Variants in ZNF385B observed in about 807,000 individuals in gnomAD.
The protein encoded by ZNF385B is zinc finger protein 385B, also known as zinc finger protein 533.
ZNF385B carries 23 observed loss-of-function variants against 39.2 expected under a neutral mutation model. The ratio of observed to expected loss-of-function variants is 0.59; its 90% CI spans 0.42 to 0.83. ZNF385B has a LOEUF of 0.83. ZNF385B is among the 40% of genes least tolerant of loss of function. The pLI is 0.00. For synonymous variants in ZNF385B, 205 were observed against 222.6 expected, an observed-to-expected ratio of 0.92 and a Z score of 0.70; for missense variants, 552 against 598.9, an observed-to-expected ratio of 0.92 and a Z score of 0.82.
In ZNF385B at chr2:179,745,793, C is replaced by T; in HGVS notation, c.298+23710G>A. The stretch of plus-strand genomic sequence containing the variant: ...AACCAAGTTGGATAAACAAAACTTC[C>T]AGTATGTGACCAGGATAATGCACAG... On this transcript the variant is annotated intron_variant, in intron 3 of 9. Transcript: ENST00000410066. 2.0e-6 allele frequency: 3 copies of T among 1,516,908 alleles called. 1 individual carries two copies. The South Asian group carries it at 3.9e-5, about 20-fold the overall frequency. The allele number at this position is 1,516,908 out of a possible 1,614,324, so 94.0% of individuals were successfully genotyped here. A position where few individuals can be genotyped will look rare whatever the true frequency, so the allele number is the denominator to read the frequency against.
intron 1 of ZNF385B, among the ~76,000 whole-genome samples, chr2:179,799,490 A>G (rs1256746373): frequency 2.0e-5 from 3 of 152,076 alleles, no homozygotes; most frequent in Non-Finnish European, 4.4e-5. Context: ...GTATGTAAAA[A>G]GCATGTAAGT....
At chr2:179,688,393 G>C (rs1424557420) in intron 3 of ZNF385B, among the ~76,000 whole-genome samples, 1 of 152,034 alleles carries the variant, frequency 6.6e-6, no homozygotes, top group Non-Finnish European at 1.5e-5. Context: ...CAGCTACTTG[G>C]GAGGCTGAGG....
chr2:179,610,749 T>C lies in ZNF385B; in HGVS notation c.299-65780A>G, dbSNP rs374567949. ...ACTCTTCAATGTTGTATAGTTTTCA[T>C]TGTAGAGATCTTTCACTTCCTTGGT... On this transcript the variant is annotated intron_variant, in intron 3 of 9. Coordinates refer to ENST00000410066, the MANE Select transcript of ZNF385B (RefSeq NM_152520.6). Among the ~76,000 whole-genome samples the C allele has an allele frequency of 1.6e-4, 25 of 152,262 alleles. No individual in the cohort carries two copies. In the South Asian group the frequency reaches 5.2e-3, roughly 32 times the overall value.
At chr2:179,638,767 G>A (rs1691991696) in intron 3 of ZNF385B, among the ~76,000 whole-genome samples, 1 of 152,148 alleles carries the variant, frequency 6.6e-6, no homozygotes, top group African/African-American at 2.4e-5. Flanking sequence ...ACCAAGTTAG[G>A]GCTGAAGTAT....
At chr2:179,460,260 A>C (rs756397087) in intron 6 of ZNF385B, among the ~76,000 whole-genome samples, 2 of 152,220 alleles carry the variant, frequency 1.3e-5, no homozygotes, top group Admixed American at 6.5e-5. Flanking sequence ...AGACAGAGAT[A>C]TCTAACATGG....
intron 3 of ZNF385B, among the ~76,000 whole-genome samples, chr2:179,731,125 T>C (rs1701361363): frequency 6.6e-6 from 1 of 152,252 alleles, no homozygotes; most frequent in Admixed American, 6.5e-5. Flanking sequence ...ATTTGGCTAG[T>C]ACTGTTCCCA....
chr2:179,699,636 C>A (rs1338941835), intron 3 of ZNF385B, among the ~76,000 whole-genome samples: 4 of 152,200 alleles, frequency 2.6e-5, no homozygotes, highest in African/African-American at 7.2e-5. Context: ...GTACATGACA[C>A]CCTGATCCAC....
intron 1 of ZNF385B, among the ~76,000 whole-genome samples, chr2:179,813,553 AG>A (rs1706869700): frequency 6.6e-6 from 1 of 152,222 alleles, no homozygotes; most frequent in South Asian, 2.1e-4. Flanking sequence ...AGATGGGTAA[AG>A]GATAAGCAGG....
At chr2:179,762,811 T>C (rs748444721) in intron 3 of ZNF385B, among the ~76,000 whole-genome samples, 2 of 152,216 alleles carry the variant, frequency 1.3e-5, no homozygotes, top group Admixed American at 6.5e-5. Context: ...ACTGAAACCA[T>C]ATGAATCCAG....
intron 1 of ZNF385B, among the ~76,000 whole-genome samples, chr2:179,789,845 G>A (rs940571278): frequency 2.0e-5 from 3 of 151,978 alleles, no homozygotes; most frequent in African/African-American, 7.2e-5. Context: ...ATGGGAGGGC[G>A]GAAATGGAAA....
At chr2:179,578,361 C>T (rs1686080680) in intron 3 of ZNF385B, among the ~76,000 whole-genome samples, 1 of 151,994 alleles carries the variant, frequency 6.6e-6, no homozygotes, top group Non-Finnish European at 1.5e-5. Context: ...TTTCTGAGTA[C>T]ACACTACAAG....
intron 3 of ZNF385B, among the ~76,000 whole-genome samples, chr2:179,608,813 T>C (rs774558346): frequency 4.5e-4 from 68 of 150,314 alleles, no homozygotes; most frequent in Non-Finnish European, 5.9e-4. Context: ...CTCATCACCA[T>C]TACAATGTAA....
intron 3 of ZNF385B, among the ~76,000 whole-genome samples, chr2:179,558,861 A>C (rs2061132763): frequency 6.6e-6 from 1 of 152,164 alleles, no homozygotes. Flanking sequence ...GTTGCTGTGC[A>C]AACAGCATGA....
At chr2:179,764,459 C>T (rs558928637) in intron 3 of ZNF385B, among the ~76,000 whole-genome samples, 27 of 151,792 alleles carry the variant, frequency 1.8e-4, no homozygotes, top group Non-Finnish European at 3.8e-4. Flanking sequence ...TGATGTTAGC[C>T]TTTAAGTTTG....
chr2:179,557,973 T>C (rs970745878), intron 3 of ZNF385B, among the ~76,000 whole-genome samples: 2 of 152,196 alleles, frequency 1.3e-5, no homozygotes, highest in Non-Finnish European at 2.9e-5. Flanking sequence ...TCATTACAAC[T>C]ATGCTTTAAC....
At position 179,608,313 on chromosome 2, in the gene ZNF385B, G is replaced by C. The variant is rs375343252; in HGVS notation, c.299-63344C>G. 3.6e-4 allele frequency among the ~76,000 whole-genome samples: 48 copies of C among 133,554 alleles called. 3 individuals carry two copies. The South Asian group carries it at 0.01, about 28-fold the overall frequency. The allele number at this position is 133,554 out of a possible 152,430, so 87.6% of individuals were successfully genotyped here. A position where few individuals can be genotyped will look rare whatever the true frequency, so the allele number is the denominator to read the frequency against. On this transcript the variant is annotated intron_variant, in intron 3 of 9. Transcript: ENST00000410066. ...GACTTAGTAATCCAGAATAGAAGGGGTGCAGAAACCATGCAGTGGTGTGAA... is the reference window on the plus strand; with the variant it reads ...GACTTAGTAATCCAGAATAGAAGGGCTGCAGAAACCATGCAGTGGTGTGAA...
chr2:179,455,711 A>T (rs1052658563), intron 6 of ZNF385B, among the ~76,000 whole-genome samples: 2 of 149,828 alleles, frequency 1.3e-5, no homozygotes, highest in African/African-American at 5.0e-5. Context: ...AACATGATGA[A>T]ATCCCGTCTC....
At chr2:179,545,311 G>A (rs1245513696) in intron 3 of ZNF385B, among the ~76,000 whole-genome samples, 5 of 152,196 alleles carry the variant, frequency 3.3e-5, no homozygotes, top group Admixed American at 1.3e-4. Context: ...GTGCAGGAGA[G>A]AAGAGGGGAG....
intron 1 of ZNF385B, among the ~76,000 whole-genome samples, chr2:179,836,796 G>A (rs1295523772): frequency 1.3e-5 from 2 of 152,102 alleles, no homozygotes; most frequent in Non-Finnish European, 2.9e-5. Flanking sequence ...GGGATTACAG[G>A]CGTGAGCCAC....
Sources: allele counts gnomAD v4.1 joint callset (sites outside exome capture counted in the v4.1 genomes callset), GRCh38; gene constraint gnomAD v4.1.1; transcripts MANE v1.5; gene names NCBI Gene and HGNC (gene_info 2026-07-23, HGNC 2026-07-21).